Variants in MCC observed in about 807,000 individuals in gnomAD.
The protein encoded by MCC is colorectal mutant cancer protein.
A neutral mutation model predicts 116.2 loss-of-function variants in MCC; 90 were observed. The ratio of observed to expected loss-of-function variants is 0.77; its 90% CI spans 0.65 to 0.92. MCC has a LOEUF of 0.92. Ranked by LOEUF, MCC falls within the 40% of genes least tolerant of loss-of-function variation. The pLI is 0.00. For missense variants in MCC, 1,516 were observed against 1,312.2 expected (o/e 1.16, Z -2.40); for synonymous variants, 578 against 510.5 (o/e 1.13, Z -1.78).
chr5:113,393,718 C>A (rs1309767829), intron 1 of MCC, among the ~76,000 whole-genome samples: 1 of 152,182 alleles, frequency 6.6e-6, no homozygotes, highest in African/African-American at 2.4e-5. Flanking sequence ...ATTTTCTTTT[C>A]TGCAAAGGCA....
At chr5:113,125,465 T>C (rs1757990861) in intron 5 of MCC, among the ~76,000 whole-genome samples, 1 of 152,146 alleles carries the variant, frequency 6.6e-6, no homozygotes, top group South Asian at 2.1e-4. Context: ...TATTAGAAAG[T>C]TCATGCACCC....
chr5:113,335,586 A>ACAATTTTC (rs1581408235), intron 3 of MCC, among the ~76,000 whole-genome samples: 1 of 151,808 alleles, frequency 6.6e-6, no homozygotes, highest in East Asian at 1.9e-4. Context: ...TTTCCTGGTA[A>ACAATTTTC]TACAAATCTT....
At chr5:113,136,205 T>C (rs928864368) in intron 5 of MCC, among the ~76,000 whole-genome samples, 1 of 152,236 alleles carries the variant, frequency 6.6e-6, no homozygotes, top group Admixed American at 6.5e-5. Flanking sequence ...TCCTTCCTTC[T>C]CCTACTAGGA....
At chr5:113,448,963 A>G (rs1771302306) in intron 1 of MCC, among the ~76,000 whole-genome samples, 1 of 152,220 alleles carries the variant, frequency 6.6e-6, no homozygotes, top group South Asian at 2.1e-4. Flanking sequence ...TGTGTACTAT[A>G]TATTGCATGA....
chr5:113,029,248 A>G (rs1363333), intron 17 of MCC, among the ~76,000 whole-genome samples, 192 bp from the exon 18 acceptor site: 73,494 of 151,388 alleles, frequency 0.49, 18,536 homozygotes, highest in East Asian at 0.63. Context: ...GCAGATTTAA[A>G]CCCATTTCTT....
chr5:113,362,142 C>T (rs1768563972), intron 2 of MCC, among the ~76,000 whole-genome samples: 2 of 152,124 alleles, frequency 1.3e-5, no homozygotes, highest in African/African-American at 2.4e-5. Context: ...CCTGAATTTC[C>T]TATCATATGG....
At chr5:113,384,087 G>T (rs142996636) in intron 2 of MCC, among the ~76,000 whole-genome samples, 1 of 151,950 alleles carries the variant, frequency 6.6e-6, no homozygotes, top group African/African-American at 2.4e-5. Flanking sequence ...TTTTTATTAT[G>T]TAAAATCTCA....
chr5:113,353,710 A>G (rs529034787), intron 2 of MCC, among the ~76,000 whole-genome samples: 150 of 152,350 alleles, frequency 9.8e-4, no homozygotes, highest in African/African-American at 3.4e-3. Context: ...TCCCTATACC[A>G]GTCTATACTG....
intron 11 of MCC, among the ~76,000 whole-genome samples, chr5:113,080,788 A>T (rs1056461446): frequency 4.6e-5 from 7 of 151,410 alleles, no homozygotes; most frequent in Admixed American, 2.6e-4. Flanking sequence ...TATACCCTAG[A>T]ACTTAAAGTA....
At chr5:113,218,979 TG>T (rs1186768820) in intron 3 of MCC, among the ~76,000 whole-genome samples, 3 of 152,180 alleles carry the variant, frequency 2.0e-5, no homozygotes, top group Non-Finnish European at 2.9e-5. Context: ...TGGTTTTGAA[TG>T]GGAGTAAAGG....
At chr5:113,202,049 T>G (rs1288893607) in intron 3 of MCC, among the ~76,000 whole-genome samples, 1 of 152,130 alleles carries the variant, frequency 6.6e-6, no homozygotes, top group African/African-American at 2.4e-5. Flanking sequence ...AGCTTTCCTT[T>G]ACCACACAGG....
Position 113,143,373 on chromosome 5 carries a change from GA to G in MCC, c.742-14del, listed in dbSNP as rs1472723158. The G allele has an allele frequency of 6.2e-6, 10 of 1,613,316 alleles. No individual in the cohort carries two copies. Among genetic ancestry groups the G allele is most frequent in the Non-Finnish European group, 1.7e-6 (2 of 1,179,864 alleles). On this transcript the variant is annotated splice_polypyrimidine_tract_variant and intron_variant, in intron 4 of 18. Transcript: ENST00000408903. Reference sequence around the variant, plus strand: ...GGGACTGCTCGCACTGGGAATAAGGGAAAAGGACAGAAGTGCTGATGAATTC... The same window carrying G: ...GGGACTGCTCGCACTGGGAATAAGGGAAAGGACAGAAGTGCTGATGAATTC...
intron 3 of MCC, among the ~76,000 whole-genome samples, chr5:113,258,250 A>G (rs1765093339): frequency 6.6e-6 from 1 of 152,270 alleles, no homozygotes; most frequent in Admixed American, 6.5e-5. Context: ...GCTTATGTGT[A>G]TACTGAATTG....
chr5:113,312,763 T>C (rs1166548314), intron 3 of MCC, among the ~76,000 whole-genome samples: 1 of 152,236 alleles, frequency 6.6e-6, no homozygotes, highest in African/African-American at 2.4e-5. Context: ...TTCTCATATA[T>C]ATACCTTGAA....
intron 1 of MCC, among the ~76,000 whole-genome samples, chr5:113,400,386 G>A (rs898914005): frequency 6.6e-6 from 1 of 152,050 alleles, no homozygotes; most frequent in Non-Finnish European, 1.5e-5. Flanking sequence ...GCCTCCCAAA[G>A]TGCTGGGATT....
At chr5:113,307,959 T>C (rs571299159) in intron 3 of MCC, among the ~76,000 whole-genome samples, 19 of 146,978 alleles carry the variant, frequency 1.3e-4, no homozygotes, top group African/African-American at 4.6e-4. Context: ...TCAGCTCCAT[T>C]TGCCTGTCTA....
rs541929295 is a variant in MCC at position 113,487,972 on chromosome 5, A to C, written c.170+273T>G. 5.3e-5 allele frequency among the ~76,000 whole-genome samples: 8 copies of C among 152,246 alleles called. No individual in the cohort carries two copies. In the East Asian group the frequency reaches 9.7e-4, roughly 19 times the overall value. On this transcript the variant is annotated intron_variant, in intron 1 of 18. Coordinates refer to ENST00000408903, the MANE Select transcript of MCC (RefSeq NM_001085377.2). ...AGGGAAGAACACTCCAAGCCCCCGG[A>C]AGAGTGCGCATCCTAAGGAGATGTC...
At chr5:113,190,319 GGAT>G (rs1762090519) in intron 3 of MCC, among the ~76,000 whole-genome samples, 1 of 152,176 alleles carries the variant, frequency 6.6e-6, no homozygotes, top group South Asian at 2.1e-4. Flanking sequence ...CTACCGGAAA[GGAT>G]GATAACAACA....
chr5:113,172,201 C>A (rs1761106358), intron 3 of MCC, among the ~76,000 whole-genome samples: 1 of 152,182 alleles, frequency 6.6e-6, no homozygotes, highest in Non-Finnish European at 1.5e-5. Context: ...TCAAGTCTCA[C>A]TGGATCACTT....
Sources: gnomAD v4.1 joint callset for allele counts (sites outside exome capture counted in the v4.1 genomes callset) on GRCh38, gnomAD v4.1.1 for gene constraint, MANE v1.5 for transcripts, NCBI Gene and HGNC (gene_info 2026-07-23, HGNC 2026-07-21) for gene names.